The following DNAJC2 variants were observed in gnomAD, a reference collection of about 807,000 sequenced individuals.
DNAJC2 encodes dnaJ homolog subfamily C member 2.
Under a neutral mutation model 94.0 loss-of-function variants are expected in DNAJC2, and 32 were observed. The observed-to-expected ratio is 0.34, with a 90% CI of 0.26 to 0.46. The LOEUF is 0.46. Among genes scored for constraint, DNAJC2 ranks in the 20% least tolerant of loss-of-function variants. The probability of loss-of-function intolerance (pLI) is 1.00; values close to 1 mark genes in which losing one functional copy is unlikely to be tolerated. For missense variants in DNAJC2, 550 were observed against 719.5 expected, an observed-to-expected ratio of 0.76 and a Z score of 2.69; for synonymous variants, 210 against 229.7, an observed-to-expected ratio of 0.91 and a Z score of 0.77.
At chr7:103,325,460 A>AC (rs896949754) in intron 5 of DNAJC2, among the ~76,000 whole-genome samples, 13 of 151,004 alleles carry the variant, frequency 8.6e-5, no homozygotes, top group African/African-American at 2.2e-4. Context: ...AAAAAAAAAA[A>AC]ACCAAAAAAC....
intron 3 of DNAJC2, chr7:103,337,091 C>T (rs1310586221): frequency 1.3e-5 from 2 of 152,196 alleles, no homozygotes; most frequent in East Asian, 3.8e-4. Flanking sequence ...AACTGATCAC[C>T]TTCACCTCTT....
Position 103,316,885 on chromosome 7 carries a change from C to G in DNAJC2, c.1372G>C (p.Asp458His), listed in dbSNP as rs373665995. ...ACAGCTTTAATTAGTAATTGTAGAT[C>G]ATCTTCTGACCAATTTTTACTTCCA... The part of the protein sequence containing the change: ...GNGSKNWSED[D>H]LQLLIKAVNL... The change falls in exon 13 of 17, where the codon GAT (aspartate) becomes CAT (histidine). Residue 458 changes from aspartate to histidine, a missense_variant. Around this residue, in one of 2 missense-constraint regions of DNAJC2, gnomAD observed 271 missense variants for 302.6 expected, o/e 0.90. Transcript: ENST00000379263. 4.3e-6 allele frequency: 7 copies of G among 1,613,876 alleles called. No individual in the cohort carries two copies. The highest frequency in any genetic ancestry group is 5.9e-6 in the Non-Finnish European group (7 of 1,179,986).
At chr7:103,322,681 G>T (rs1586082444) in intron 8 of DNAJC2, 22 bp downstream of exon 8, 1 of 1,612,014 alleles carries the variant, frequency 6.2e-7, no homozygotes, top group Non-Finnish European at 8.5e-7. Context: ...ACATTTAGGG[G>T]ACTTAAATCA....
chr7:103,325,062 T>C (rs1818629034), intron 5 of DNAJC2, among the ~76,000 whole-genome samples: 1 of 152,224 alleles, frequency 6.6e-6, no homozygotes, highest in South Asian at 2.1e-4. Flanking sequence ...AAAAGGATCC[T>C]GAAGCAGCTA....
intron 5 of DNAJC2, among the ~76,000 whole-genome samples, chr7:103,326,229 C>T (rs1168327337): frequency 1.3e-5 from 2 of 152,264 alleles, no homozygotes; most frequent in African/African-American, 2.4e-5. Context: ...CCGTCCACCT[C>T]GGCCTTCCAA....
At chr7:103,343,552 T>C (rs1819473455) in intron 1 of DNAJC2, among the ~76,000 whole-genome samples, 1 of 152,152 alleles carries the variant, frequency 6.6e-6, no homozygotes, top group Non-Finnish European at 1.5e-5. Flanking sequence ...CAATACCTAT[T>C]TATCTCATTC....
At chr7:103,329,098 T>C in intron 3 of DNAJC2, 1 of 662,852 alleles carries the variant, frequency 1.5e-6, no homozygotes, top group South Asian at 1.8e-5. Flanking sequence ...AATTTTTTTG[T>C]TTTTCATCCT....
chr7:103,322,544 T>C lies in DNAJC2; in HGVS notation c.900A>G (p.Glu300=), dbSNP rs1253502285. 6.4e-7 allele frequency: 1 copy of C among 1,555,618 alleles called. No homozygotes were observed. Among genetic ancestry groups the C allele is most frequent in the Admixed American group, 1.8e-5 (1 of 55,252 alleles). The change falls in exon 9 of 17, where the codon GAA becomes GAG. Residue 300 remains glutamate (E), a synonymous_variant. Coordinates refer to ENST00000379263, the MANE Select transcript of DNAJC2 (RefSeq NM_014377.3). ...TAGCTTCTTGCTCCTTCCGTTTAGC[T>C]TCTGCTTTTGCTTTCTTTTCTGCTT... is the stretch of plus-strand genomic sequence containing the variant. ...KKEAEKKAKA[E]AKRKEQEAKE...
In DNAJC2 at chr7:103,327,760, A is replaced by C. The variant is rs564266351; in HGVS notation, c.332-6T>G. On this transcript the variant is annotated splice_region_variant and splice_polypyrimidine_tract_variant and intron_variant, in intron 3 of 16. Coordinates refer to ENST00000379263, the MANE Select transcript of DNAJC2 (RefSeq NM_014377.3). ...TTTTAAAACCATTGCTTTATCTACAAAACCAGTCAGATTGAGATAATTTGT... is the reference window on the plus strand; with the variant it reads ...TTTTAAAACCATTGCTTTATCTACACAACCAGTCAGATTGAGATAATTTGT... The C allele has an allele frequency of 6.3e-7, 1 of 1,597,914 alleles. No homozygotes were observed. Among genetic ancestry groups the C allele is most frequent in the South Asian group, 1.1e-5 (1 of 89,730 alleles).
chr7:103,341,371 AC>A (rs1441746178), intron 2 of DNAJC2, among the ~76,000 whole-genome samples: 5 of 152,228 alleles, frequency 3.3e-5, no homozygotes, highest in Non-Finnish European at 5.9e-5. Flanking sequence ...TTTTAAAGAC[AC>A]TAGATTTCTC....
intron 3 of DNAJC2, among the ~76,000 whole-genome samples, chr7:103,333,338 C>A (rs1819046050): frequency 6.6e-6 from 1 of 152,160 alleles, no homozygotes; most frequent in Non-Finnish European, 1.5e-5. Flanking sequence ...ACTTAAGGTA[C>A]AGATTTAGCT....
chr7:103,324,730 G>T, intron 5 of DNAJC2, 168 bp from the exon 6 acceptor site: 1 of 589,558 alleles, frequency 1.7e-6, no homozygotes, highest in Non-Finnish European at 2.6e-6. Context: ...AGTGGGGCAT[G>T]AAACAATGCA....
At chr7:103,316,807 A>G (rs1043482228) in intron 13 of DNAJC2, 23 bp downstream of exon 13, 2 of 1,603,006 alleles carry the variant, frequency 1.2e-6, no homozygotes, top group East Asian at 4.5e-5. Flanking sequence ...TGAGTTGAAG[A>G]AAAGTTTCAT....
intron 15 of DNAJC2, chr7:103,314,455 C>A: frequency 1.0e-6 from 1 of 985,348 alleles, no homozygotes; most frequent in Non-Finnish European, 1.2e-6. Context: ...TTCACAGGGT[C>A]ACCTCTCCTC....
chr7:103,330,001 T>C (rs774842777), intron 3 of DNAJC2, among the ~76,000 whole-genome samples: 15 of 152,166 alleles, frequency 9.9e-5, no homozygotes, highest in African/African-American at 2.9e-4. Context: ...TTTTAGGTAA[T>C]AGCATTAATG....
intron 6 of DNAJC2, among the ~76,000 whole-genome samples, chr7:103,323,941 T>C (rs1411315859): frequency 6.6e-6 from 1 of 152,222 alleles, no homozygotes; most frequent in African/African-American, 2.4e-5. Context: ...TTGCCTTCAA[T>C]TTCGCTAGTC....
At chr7:103,336,653 T>C (rs1296939974) in intron 3 of DNAJC2, 1 of 152,254 alleles carries the variant, frequency 6.6e-6, no homozygotes, top group African/African-American at 2.4e-5. Flanking sequence ...GCCAATGCTA[T>C]TCTTTCGTAT....
intron 3 of DNAJC2, 33 bp downstream of exon 3, chr7:103,337,703 T>C: frequency 6.5e-7 from 1 of 1,530,038 alleles, no homozygotes. Flanking sequence ...CTATACAAGA[T>C]ATTTGATTAT....
At position 103,317,166 on chromosome 7, in the gene DNAJC2, G is replaced by C. The variant is rs868647639; in HGVS notation, c.1243-152C>G. On this transcript the variant is annotated intron_variant, in intron 12 of 16. Coordinates refer to ENST00000379263, the MANE Select transcript of DNAJC2 (RefSeq NM_014377.3). The stretch of plus-strand genomic sequence containing the variant: ...CAGGCCAACCCAAAAAGAAGCACCA[G>C]CTTTTCACTCTGGCTTCCAGTCTGC... 2.3e-4 allele frequency: 153 copies of C among 661,604 alleles called. 1 individual carries two copies. In the Middle Eastern group the frequency reaches 2.4e-3, roughly 10 times the overall value. 41.0% of individuals were successfully genotyped at this position (661,604 alleles called of 1,614,324 possible). A position where few individuals can be genotyped will look rare whatever the true frequency, so the allele number is the denominator to read the frequency against.
Sources: gnomAD v4.1 joint callset for allele counts (sites outside exome capture counted in the v4.1 genomes callset) on GRCh38, gnomAD v4.1.1 for gene constraint, gnomAD v4.1.1 regional missense constraint, MANE v1.5 for transcripts, NCBI Gene and HGNC (gene_info 2026-07-23, HGNC 2026-07-21) for gene names.